Variants in LIMS2 observed in about 807,000 individuals in gnomAD.
The protein encoded by LIMS2 is LIM zinc finger domain containing 2, also known as LIM and senescent cell antigen-like-containing domain protein 2.
A neutral mutation model predicts 45.3 loss-of-function variants in LIMS2; 30 were observed. That is an observed-to-expected ratio of 0.66 (90% CI 0.50 to 0.90). LIMS2 has a LOEUF of 0.90. Ranked by LOEUF, LIMS2 falls within the 40% of genes least tolerant of loss-of-function variation. LIMS2 has a pLI of 0.00. For synonymous variants in LIMS2, 173 were observed against 188.0 expected, an observed-to-expected ratio of 0.92 and a Z score of 0.65; for missense variants, 485 against 468.7, an observed-to-expected ratio of 1.03 and a Z score of -0.32.
rs1001183995 is a variant in LIMS2, at chr2:127,642,451, T to C, written c.510-252A>G. Reference sequence around the variant, plus strand: ...CACCCAGGCCTCTGAGAAGCAGGTCTGTTCTTGGGCCCCCCTCCTCCTCCA... The same window carrying C: ...CACCCAGGCCTCTGAGAAGCAGGTCCGTTCTTGGGCCCCCCTCCTCCTCCA... On this transcript the variant is annotated intron_variant, in intron 5 of 9. Transcript: ENST00000355119. This position sits in a 1 kb window ranked among gnomAD's most constrained non-coding sequence, Gnocchi z 5.3. The C allele has an allele frequency of 1.6e-5, 7 of 425,342 alleles. No homozygotes were observed. Among genetic ancestry groups the C allele is most frequent in the Non-Finnish European group, 2.5e-5 (6 of 240,984 alleles). 26.3% of individuals were successfully genotyped at this position (425,342 alleles called of 1,614,324 possible).
Position 127,653,248 on chromosome 2 carries a change from C to T in LIMS2, c.359+1176G>A, listed in dbSNP as rs1412162545. Among the ~76,000 whole-genome samples the T allele has an allele frequency of 1.3e-5, 2 of 152,096 alleles. No homozygotes were observed. The highest frequency in any genetic ancestry group is 4.8e-5 in the African/African-American group (2 of 41,418). On this transcript the variant is annotated intron_variant, in intron 4 of 9. Transcript: ENST00000355119. The surrounding 1 kb of genome is among the most constrained non-coding windows in gnomAD (Gnocchi z 5.3). ...GAGCTGCGGGAGGGAGCAGAGTGCCCGGACAGAGAGAGTGTGGCAGGGGAA... is the reference window on the plus strand; with the variant it reads ...GAGCTGCGGGAGGGAGCAGAGTGCCTGGACAGAGAGAGTGTGGCAGGGGAA...
chr2:127,642,561 A>G lies in LIMS2; in HGVS notation c.509+362T>C, dbSNP rs149554017. ...GAGGACGGGGGCTGAGGGGCTGCCT[A>G]TGCAACTCCTCTCTCCAACACCAGC... On this transcript the variant is annotated intron_variant, in intron 5 of 9. Coordinates refer to ENST00000355119, the MANE Select transcript of LIMS2 (RefSeq NM_001161403.3). The surrounding 1 kb of genome is among the most constrained non-coding windows in gnomAD (Gnocchi z 5.3). 40 of 355,000 alleles carry G rather than the reference A, an allele frequency of 1.1e-4. No homozygotes were observed. The highest frequency in any genetic ancestry group is 1.8e-4 in the Non-Finnish European group (35 of 194,252). The allele number at this position is 355,000 out of a possible 1,614,324, so 22.0% of individuals were successfully genotyped here.
intron 1 of LIMS2, chr2:127,673,612 G>T (rs879462740): frequency 1.3e-6 from 2 of 1,487,522 alleles, no homozygotes; most frequent in Admixed American, 3.9e-5. Context: ...TTCCAGCCCC[G>T]CACCCTTCAC....
At chr2:127,651,192 GC>G (rs1558882322) in intron 4 of LIMS2, 2 of 1,611,248 alleles carry the variant, frequency 1.2e-6, no homozygotes, top group African/African-American at 2.7e-5. Context: ...CCTGGCCTGT[GC>G]CTTCCTGTGG....
At chr2:127,646,307 G>A (rs55674623) in intron 4 of LIMS2, 5,907 of 152,346 alleles carry the variant, frequency 0.039, 143 homozygotes, top group African/African-American at 0.059. Flanking sequence ...AACACTCAGC[G>A]GGGAGCCCTG....
chr2:127,659,216 C>T (rs1186057296), intron 1 of LIMS2, among the ~76,000 whole-genome samples: 3 of 152,206 alleles, frequency 2.0e-5, no homozygotes, highest in Non-Finnish European at 4.4e-5. Context: ...TCTGGAAGGC[C>T]ATTCAACCAG....
rs72843385 is a variant in LIMS2, at chr2:127,655,205, G to A, written c.172-309C>T. On this transcript the variant is annotated intron_variant, in intron 2 of 9. Transcript: ENST00000355119. Reference sequence around the variant, plus strand: ...CCGGAGAACAGGCTGGGGGCGAGGCGGTTTTAAGCCAGGAGGGATGAGATC... The same window carrying A: ...CCGGAGAACAGGCTGGGGGCGAGGCAGTTTTAAGCCAGGAGGGATGAGATC... 43,055 of 493,872 alleles carry A rather than the reference G, an allele frequency of 0.087. 2,172 individuals carry two copies. Among genetic ancestry groups the A allele is most frequent in the Middle Eastern group, 0.14 (237 of 1,752 alleles). 30.6% of individuals were successfully genotyped at this position (493,872 alleles called of 1,614,324 possible).
Position 127,648,008 on chromosome 2 carries a change from C to T in LIMS2, c.360-4936G>A, listed in dbSNP as rs534430381. On this transcript the variant is annotated intron_variant, in intron 4 of 9. Transcript: ENST00000355119. ...GCCCTTCCCCAGGGCTTCAGCCAAG[C>T]CTGTCTCCCTCTCCCAAGCATCACT... 1.4e-5 allele frequency: 14 copies of T among 985,724 alleles called. No homozygotes were observed. The East Asian group carries it at 1.6e-3, about 112-fold the overall frequency. The allele number at this position is 985,724 out of a possible 1,614,324, so 61.1% of individuals were successfully genotyped here.
chr2:127,675,100 C>G lies in LIMS2; in HGVS notation c.-76G>C. 1 of 1,208,436 alleles carries G rather than the reference C, an allele frequency of 8.3e-7. No individual in the cohort carries two copies. Among genetic ancestry groups the G allele is most frequent in the Non-Finnish European group, 1.0e-6 (1 of 967,170 alleles). The allele number at this position is 1,208,436 out of a possible 1,614,324, so 74.9% of individuals were successfully genotyped here. A position where few individuals can be genotyped will look rare whatever the true frequency, so the allele number is the denominator to read the frequency against. On this transcript the variant is annotated 5_prime_UTR_variant, in exon 1 of 10. Transcript: ENST00000355119. ...TCTGCTGCTGCAGCCGCCAGCCGAGCGCCCGCCCGCCAGCCCGGGCCGCGG... is the reference window on the plus strand; with the variant it reads ...TCTGCTGCTGCAGCCGCCAGCCGAGGGCCCGCCCGCCAGCCCGGGCCGCGG...
chr2:127,681,617 T>G (rs983524814), exon 1 of LIMS2: 2 of 152,260 alleles, frequency 1.3e-5, no homozygotes, highest in African/African-American at 4.8e-5. Flanking sequence ...AGGGAGGTGC[T>G]GCTCCGGGCC....
At chr2:127,681,313 T>G (rs1320279260) in intron 1 of LIMS2, 1 of 152,166 alleles carries the variant, frequency 6.6e-6, no homozygotes, top group African/African-American at 2.4e-5. Context: ...CATCACAGAG[T>G]CTTTACCTCT....
chr2:127,650,725 C>A, intron 4 of LIMS2: 1 of 1,603,198 alleles, frequency 6.2e-7, no homozygotes, highest in Non-Finnish European at 8.5e-7. Flanking sequence ...GGCTCTGACT[C>A]CAGCCAAAGC....
chr2:127,662,019 G>A (rs942917236), intron 1 of LIMS2, among the ~76,000 whole-genome samples: 1 of 152,028 alleles, frequency 6.6e-6, no homozygotes, highest in African/African-American at 2.4e-5. Flanking sequence ...AGAGTTGGGG[G>A]CCAGCCACAA....
rs1027898660 is a variant in LIMS2, at chr2:127,638,574, CACCCAAGGGCTCG to C, written c.*694_*706del. 2 of 152,752 alleles carry C rather than the reference CACCCAAGGGCTCG, an allele frequency of 1.3e-5. No homozygotes were observed. The highest frequency in any genetic ancestry group is 2.9e-5 in the Non-Finnish European group (2 of 68,270). The allele number at this position is 152,752 out of a possible 1,614,324, so 9.5% of individuals were successfully genotyped here. A position where few individuals can be genotyped will look rare whatever the true frequency, so the allele number is the denominator to read the frequency against. Reference sequence around the variant, plus strand: ...TGACGCCATCACCTCCTCCTGGCCCCACCCAAGGGCTCGACACAAGCCCCAAGGTCGGGGGGAG... The same window carrying C: ...TGACGCCATCACCTCCTCCTGGCCCCACACAAGCCCCAAGGTCGGGGGGAG... On this transcript the variant is annotated 3_prime_UTR_variant, in exon 10 of 10. Coordinates refer to ENST00000355119, the MANE Select transcript of LIMS2 (RefSeq NM_001161403.3).
rs557048581 is a variant in LIMS2, at chr2:127,667,794, G to A, written c.11+7220C>T. On this transcript the variant is annotated intron_variant, in intron 1 of 9. Transcript: ENST00000355119. This position sits in a 1 kb window ranked among gnomAD's most constrained non-coding sequence, Gnocchi z 4.1. Reference sequence around the variant, plus strand: ...CTAAGGTCAGGGGGATTTCCAGTCCGCTATTTGTTTTCAACATTGCACTGC... The same window carrying A: ...CTAAGGTCAGGGGGATTTCCAGTCCACTATTTGTTTTCAACATTGCACTGC... Among the ~76,000 whole-genome samples the A allele has an allele frequency of 2.6e-5, 4 of 152,302 alleles. No individual in the cohort carries two copies. In the South Asian group the frequency reaches 6.2e-4, roughly 24 times the overall value.
rs914380423 is a variant in LIMS2 at position 127,649,907 on chromosome 2, T to A, written c.359+4517A>T. ...ATGGGTCTTCCCCTCCTGGAAGAGA[T>A]GCTGCCCCCTGGTGGTGGATCTACT... On this transcript the variant is annotated intron_variant, in intron 4 of 9. Transcript: ENST00000355119. 1.2e-5 allele frequency: 11 copies of A among 930,362 alleles called. No homozygotes were observed. The African/African-American group carries it at 1.5e-4, about 13-fold the overall frequency. The allele number at this position is 930,362 out of a possible 1,614,324, so 57.6% of individuals were successfully genotyped here.
At chr2:127,674,574 C>A (rs1038441502) in intron 1 of LIMS2, 2 of 932,566 alleles carry the variant, frequency 2.1e-6, no homozygotes, top group African/African-American at 3.6e-5. Flanking sequence ...TTTTACCACC[C>A]CAGGTTTACA....
chr2:127,680,182 G>A (rs1056410860), upstream of LIMS2, among the ~76,000 whole-genome samples: 3 of 152,340 alleles, frequency 2.0e-5, no homozygotes, highest in Non-Finnish European at 4.4e-5. Flanking sequence ...CACAGCCGGA[G>A]CCCTCCCGGG....
Position 127,642,846 on chromosome 2 carries a change from G to A in LIMS2, c.509+77C>T, listed in dbSNP as rs1682571564. On this transcript the variant is annotated intron_variant, in intron 5 of 9. Transcript: ENST00000355119. The surrounding 1 kb of genome is among the most constrained non-coding windows in gnomAD (Gnocchi z 5.3). ...CTCCCTCCTCAACACTTCCCCAGGT[G>A]GAGGCCCCACCGCCCTTACCCTGGG... The A allele has an allele frequency of 2.7e-6, 4 of 1,464,026 alleles. No homozygotes were observed. Among genetic ancestry groups the A allele is most frequent in the Admixed American group, 2.1e-5 (1 of 48,212 alleles). 90.7% of individuals were successfully genotyped at this position (1,464,026 alleles called of 1,614,324 possible). A position where few individuals can be genotyped will look rare whatever the true frequency, so the allele number is the denominator to read the frequency against.
Sources: allele counts gnomAD v4.1 joint callset (sites outside exome capture counted in the v4.1 genomes callset), GRCh38; gene constraint gnomAD v4.1.1; non-coding constraint Gnocchi (gnomAD v3.1); transcripts MANE v1.5; gene names NCBI Gene and HGNC (gene_info 2026-07-23, HGNC 2026-07-21).